Variants in STPG2 observed in about 807,000 individuals in gnomAD.
STPG2 encodes the protein sperm-tail PG-rich repeat-containing protein 2.
STPG2 carries 56 observed loss-of-function variants against 54.2 expected under a neutral mutation model. The observed-to-expected ratio is 1.03, with a 90% CI of 0.83 to 1.29. The LOEUF (loss-of-function observed/expected upper bound fraction) is 1.29. Among genes scored for constraint, STPG2 ranks in the 50% most tolerant of loss-of-function variants. The pLI, the probability that STPG2 is intolerant of heterozygous loss-of-function variation, is 0.00. For missense variants in STPG2, 596 were observed against 544.9 expected, an observed-to-expected ratio of 1.09 and a Z score of -0.93; for synonymous variants, 200 against 181.8, an observed-to-expected ratio of 1.10 and a Z score of -0.81.
intron 4 of STPG2, among the ~76,000 whole-genome samples, chr4:97,502,428 A>G (rs1730745726): frequency 6.6e-6 from 1 of 152,012 alleles, no homozygotes; most frequent in South Asian, 2.1e-4. Context: ...GATGGGGAAA[A>G]CAATGTGTGA....
chr4:97,869,971 A>T (rs1200453218), intron 8 of STPG2, among the ~76,000 whole-genome samples: 1 of 151,560 alleles, frequency 6.6e-6, no homozygotes, highest in East Asian at 1.9e-4. Flanking sequence ...TGTAAATTAC[A>T]TCTTCCTTCA....
intron 2 of STPG2, among the ~76,000 whole-genome samples, chr4:98,133,653 A>C (rs536049752): frequency 2.6e-5 from 4 of 152,124 alleles, no homozygotes; most frequent in African/African-American, 9.6e-5. Context: ...GAACTTTCCA[A>C]ATTTTGATAA....
chr4:97,711,464 T>C (rs1168108648), intron 10 of STPG2, among the ~76,000 whole-genome samples: 1 of 152,116 alleles, frequency 6.6e-6, no homozygotes, highest in Non-Finnish European at 1.5e-5. Context: ...ATAGTACTAA[T>C]ACTCTCAAGA....
intron 4 of STPG2, among the ~76,000 whole-genome samples, chr4:97,535,677 C>G (rs1454779550): frequency 6.6e-6 from 1 of 152,120 alleles, no homozygotes; most frequent in East Asian, 1.9e-4. Context: ...CAGATATTCT[C>G]TTTTACATTG....
intron 4 of STPG2, among the ~76,000 whole-genome samples, chr4:97,531,197 A>G (rs1435886503): frequency 6.6e-6 from 1 of 152,222 alleles, no homozygotes; most frequent in African/African-American, 2.4e-5. Flanking sequence ...TCCAAAAGAT[A>G]GGCAATAATA....
At chr4:97,795,929 T>C (rs1040085286) in intron 9 of STPG2, among the ~76,000 whole-genome samples, 1 of 152,218 alleles carries the variant, frequency 6.6e-6, no homozygotes, top group Non-Finnish European at 1.5e-5. Flanking sequence ...GTGGTTTTGA[T>C]TTGCATTTCC....
chr4:97,529,590 C>T (rs981758649), intron 4 of STPG2, among the ~76,000 whole-genome samples: 5 of 152,042 alleles, frequency 3.3e-5, no homozygotes, highest in South Asian at 2.1e-4. Context: ...TGGTAGAATT[C>T]GGCTATGAAT....
At chr4:98,099,797 C>A (rs1896155) in intron 5 of STPG2, among the ~76,000 whole-genome samples, 60,118 of 151,866 alleles carry the variant, frequency 0.4, 12,132 homozygotes, top group Middle Eastern at 0.46. Flanking sequence ...TTCTAAAAAA[C>A]TTTTTTTAAT....
intron 5 of STPG2, among the ~76,000 whole-genome samples, chr4:97,994,938 G>T (rs369293602): frequency 1.3e-5 from 2 of 152,072 alleles, no homozygotes; most frequent in South Asian, 4.1e-4. Flanking sequence ...AGAGTTAGGC[G>T]TGTCTGAGCT....
intron 9 of STPG2, among the ~76,000 whole-genome samples, chr4:97,768,083 C>T (rs1726111238): frequency 6.6e-6 from 1 of 151,620 alleles, no homozygotes; most frequent in Admixed American, 6.6e-5. Context: ...AGGAGAATGT[C>T]GTGAACCCAG....
intron 5 of STPG2, among the ~76,000 whole-genome samples, chr4:98,042,731 T>A (rs1737003857): frequency 6.6e-6 from 1 of 151,968 alleles, no homozygotes. Context: ...TGAAAAAATC[T>A]ATCTTGGAAG....
chr4:97,733,801 C>G (rs1724883766), intron 9 of STPG2, among the ~76,000 whole-genome samples: 1 of 152,134 alleles, frequency 6.6e-6, no homozygotes, highest in Non-Finnish European at 1.5e-5. Flanking sequence ...CATCACTTCT[C>G]TATCCACTTT....
chr4:97,959,548 A>G (rs1733809169), intron 7 of STPG2, among the ~76,000 whole-genome samples: 1 of 152,156 alleles, frequency 6.6e-6, no homozygotes, highest in African/African-American at 2.4e-5. Flanking sequence ...AGAAATACAA[A>G]AGATCATTCA....
chr4:97,470,793 A>AG, intron 4 of STPG2, among the ~76,000 whole-genome samples: 1 of 152,130 alleles, frequency 6.6e-6, no homozygotes, highest in East Asian at 1.9e-4. Flanking sequence ...GAGGTGAATG[A>AG]CTGATATAGG....
intron 9 of STPG2, among the ~76,000 whole-genome samples, chr4:97,787,456 C>T (rs1430490210): frequency 6.6e-6 from 1 of 151,968 alleles, no homozygotes; most frequent in Non-Finnish European, 1.5e-5. Flanking sequence ...GTTAAACAAC[C>T]TCACATTTCA....
At chr4:98,075,369 C>T (rs72686483) in intron 5 of STPG2, among the ~76,000 whole-genome samples, 2,074 of 152,302 alleles carry the variant, frequency 0.014, 18 homozygotes, top group Non-Finnish European at 0.02. Context: ...GAATCATTGA[C>T]TAAATTTCAA....
At chr4:97,739,980 C>A (rs1242294292) in intron 9 of STPG2, among the ~76,000 whole-genome samples, 1 of 151,942 alleles carries the variant, frequency 6.6e-6, no homozygotes, top group Non-Finnish European at 1.5e-5. Context: ...TACTGGCAAA[C>A]CGAATCCAGC....
chr4:97,762,289 T>C (rs1177213867), intron 9 of STPG2, among the ~76,000 whole-genome samples: 1 of 152,194 alleles, frequency 6.6e-6, no homozygotes, highest in African/African-American at 2.4e-5. Context: ...CCTTTCTTAA[T>C]AGAGCAGGAT....
intron 8 of STPG2, among the ~76,000 whole-genome samples, chr4:97,861,120 T>A (rs959670679): frequency 6.6e-6 from 1 of 152,080 alleles, no homozygotes; most frequent in Non-Finnish European, 1.5e-5. Context: ...AATAACCAGA[T>A]ACAGGACCTC....
Sources: gnomAD v4.1 joint callset for allele counts (sites outside exome capture counted in the v4.1 genomes callset) on GRCh38, gnomAD v4.1.1 for gene constraint, MANE v1.5 for transcripts, NCBI Gene and HGNC (gene_info 2026-07-23, HGNC 2026-07-21) for gene names.